The following CAPZB variants were observed in gnomAD, a reference collection of about 807,000 sequenced individuals.
CAPZB encodes F-actin-capping protein subunit beta.
In CAPZB, 2 loss-of-function variants were observed where a neutral mutation model predicts 38.1. That is an observed-to-expected ratio of 0.05 (90% confidence interval 0.02 to 0.17). The LOEUF (loss-of-function observed/expected upper bound fraction) is 0.17. Ranked by LOEUF, CAPZB falls within the 10% of genes least tolerant of loss-of-function variation. The probability of loss-of-function intolerance (pLI) is 1.00; values close to 1 mark genes in which losing one functional copy is unlikely to be tolerated. For missense variants in CAPZB, 161 were observed against 334.2 expected (o/e 0.48, Z 4.04); for synonymous variants, 107 against 127.4 (o/e 0.84, Z 1.08).
intron 6 of CAPZB, among the ~76,000 whole-genome samples, chr1:19,349,770 C>T (rs7543747): frequency 0.12 from 17,864 of 152,016 alleles, 1,212 homozygotes; most frequent in South Asian, 0.26. Flanking sequence ...GGCCACGCAG[C>T]GGCTGGGGAG....
chr1:19,424,107 T>C (rs1217615599), intron 1 of CAPZB, among the ~76,000 whole-genome samples: 1 of 152,184 alleles, frequency 6.6e-6, no homozygotes, highest in Non-Finnish European at 1.5e-5. Flanking sequence ...CCACTGCACC[T>C]GGCCATGAAC....
intron 3 of CAPZB, among the ~76,000 whole-genome samples, chr1:19,380,998 T>C (rs1401540842): frequency 1.3e-5 from 2 of 151,990 alleles, no homozygotes; most frequent in Non-Finnish European, 2.9e-5. Context: ...TGAAACCCCA[T>C]CTCTACTAAA....
chr1:19,371,067 T>G (rs2094117159), intron 4 of CAPZB, among the ~76,000 whole-genome samples: 1 of 152,180 alleles, frequency 6.6e-6, no homozygotes, highest in Non-Finnish European at 1.5e-5. Flanking sequence ...CCAAGGATTC[T>G]CTCTCCAGTC....
At chr1:19,428,550 G>A (rs1224287601) in intron 1 of CAPZB, among the ~76,000 whole-genome samples, 3 of 152,050 alleles carry the variant, frequency 2.0e-5, no homozygotes, top group African/African-American at 7.2e-5. Flanking sequence ...TTATAAACAA[G>A]TCTCTCCTTT....
intron 1 of CAPZB, among the ~76,000 whole-genome samples, chr1:19,440,224 G>A (rs1471541474): frequency 1.3e-5 from 2 of 152,072 alleles, no homozygotes; most frequent in Non-Finnish European, 2.9e-5. Flanking sequence ...TTTTTGGAGA[G>A]ACGGGGTTTC....
chr1:19,461,529 G>A lies in CAPZB; in HGVS notation c.3+23907C>T, dbSNP rs1246189694. Among the ~76,000 whole-genome samples the A allele has an allele frequency of 2.6e-5, 4 of 152,214 alleles. No homozygotes were observed. The East Asian group carries it at 5.8e-4, about 22-fold the overall frequency. On this transcript the variant is annotated intron_variant, in intron 1 of 8. Coordinates refer to ENST00000264202, the MANE Select transcript of CAPZB (RefSeq NM_004930.5). ...GAATATGCATGAGGGGCATGAGCTG[G>A]CTTCCACGCATGCTTCCTGCTCACC...
chr1:19,342,101 G>A (rs746809995), intron 8 of CAPZB, among the ~76,000 whole-genome samples: 3 of 152,210 alleles, frequency 2.0e-5, no homozygotes, highest in African/African-American at 4.8e-5. Context: ...TTCCATTAGC[G>A]AAACCTGTTT....
chr1:19,353,763 T>C (rs180764368), intron 6 of CAPZB, among the ~76,000 whole-genome samples: 260 of 152,332 alleles, frequency 1.7e-3, no homozygotes, highest in African/African-American at 5.8e-3. Context: ...AGTGGCCAAG[T>C]GGCTTCCAGC....
At chr1:19,415,060 T>C (rs1193598183) in intron 2 of CAPZB, among the ~76,000 whole-genome samples, 1 of 152,246 alleles carries the variant, frequency 6.6e-6, no homozygotes, top group Admixed American at 6.5e-5. Context: ...ATCCCTCACA[T>C]TTCTCTTCAA....
chr1:19,435,951 C>A (rs2094456912), intron 1 of CAPZB, among the ~76,000 whole-genome samples: 1 of 152,180 alleles, frequency 6.6e-6, no homozygotes. Context: ...GTTAAGGATA[C>A]AGGTTGGAAA....
chr1:19,448,982 G>T, intron 1 of CAPZB: 1 of 1,598,920 alleles, frequency 6.3e-7, no homozygotes, highest in Admixed American at 1.7e-5. Context: ...AGAGGAAGTG[G>T]AAACATGACG....
intron 2 of CAPZB, among the ~76,000 whole-genome samples, chr1:19,414,738 C>A (rs1452436674): frequency 6.6e-6 from 1 of 152,152 alleles, no homozygotes; most frequent in Non-Finnish European, 1.5e-5. Flanking sequence ...TGCCAGTGTG[C>A]AGAGTAAGGC....
intron 1 of CAPZB, among the ~76,000 whole-genome samples, chr1:19,481,470 G>A (rs561586394): frequency 6.6e-6 from 1 of 152,258 alleles, no homozygotes; most frequent in East Asian, 1.9e-4. Flanking sequence ...CGAATCCCAG[G>A]CCTGCTGTTC....
intron 8 of CAPZB, among the ~76,000 whole-genome samples, chr1:19,341,855 C>G (rs1254322989): frequency 1.3e-5 from 2 of 152,200 alleles, no homozygotes; most frequent in Non-Finnish European, 2.9e-5. Context: ...TTTCTAAGTG[C>G]CTGACCCCAC....
intron 2 of CAPZB, among the ~76,000 whole-genome samples, chr1:19,393,578 C>T (rs1211189749): frequency 6.6e-6 from 1 of 152,192 alleles, no homozygotes; most frequent in Non-Finnish European, 1.5e-5. Flanking sequence ...CCAGCTCTTC[C>T]AAAGACCAGG....
chr1:19,367,725 C>CT (rs1410384251), intron 4 of CAPZB, among the ~76,000 whole-genome samples: 1 of 152,228 alleles, frequency 6.6e-6, no homozygotes, highest in Non-Finnish European at 1.5e-5. Context: ...GCATGTGCGA[C>CT]TTTAATGCCA....
chr1:19,455,813 CCTTT>C (rs2100717519), intron 1 of CAPZB, among the ~76,000 whole-genome samples: 1 of 152,358 alleles, frequency 6.6e-6, no homozygotes, highest in East Asian at 1.9e-4. Context: ...ACATACACTT[CCTTT>C]CTAAGCCATG....
intron 1 of CAPZB, among the ~76,000 whole-genome samples, chr1:19,451,339 A>C (rs962876952): frequency 6.6e-6 from 1 of 152,224 alleles, no homozygotes; most frequent in South Asian, 2.1e-4. Flanking sequence ...AGGGAACGGA[A>C]ACAACAGATA....
At chr1:19,438,834 C>A (rs2094466657) in intron 1 of CAPZB, among the ~76,000 whole-genome samples, 1 of 152,214 alleles carries the variant, frequency 6.6e-6, no homozygotes, top group South Asian at 2.1e-4. Flanking sequence ...GGCCGGCGGG[C>A]ACTGGGTGGC....
Sources: allele counts gnomAD v4.1 joint callset (sites outside exome capture counted in the v4.1 genomes callset), GRCh38; gene constraint gnomAD v4.1.1; transcripts MANE v1.5; gene names NCBI Gene and HGNC (gene_info 2026-07-23, HGNC 2026-07-21).